Variants in DMC1 observed in about 807,000 individuals in gnomAD.
The protein encoded by DMC1 is DNA meiotic recombinase 1.
Under a neutral mutation model 50.1 loss-of-function variants are expected in DMC1, and 27 were observed. The ratio of observed to expected loss-of-function variants is 0.54; its 90% confidence interval spans 0.40 to 0.74. The LOEUF (loss-of-function observed/expected upper bound fraction) is 0.74. Among genes scored for constraint, DMC1 ranks in the 30% least tolerant of loss-of-function variants. The probability of loss-of-function intolerance (pLI) is 0.00; values close to 1 mark genes in which losing one functional copy is unlikely to be tolerated. For synonymous variants in DMC1, 148 were observed against 136.1 expected (o/e 1.09, Z -0.61); for missense variants, 295 against 420.2 (o/e 0.70, Z 2.60).
intron 7 of DMC1, among the ~76,000 whole-genome samples, chr22:38,550,944 AAAAAAG>A (rs2090399366): frequency 2.0e-5 from 3 of 147,832 alleles, no homozygotes; most frequent in African/African-American, 5.0e-5. Context: ...AAAAAAAAAA[AAAAAAG>A]AAAGAAAGAA....
intron 4 of DMC1, among the ~76,000 whole-genome samples, chr22:38,563,489 A>C (rs2090549665): frequency 6.6e-6 from 1 of 152,092 alleles, no homozygotes; most frequent in Non-Finnish European, 1.5e-5. Context: ...CCACCGTATT[A>C]TGAAATTAAC....
chr22:38,555,296 A>G, intron 6 of DMC1, 61 bp downstream of exon 6: 1 of 1,069,944 alleles, frequency 9.3e-7, no homozygotes, highest in Non-Finnish European at 1.4e-6. Flanking sequence ...ATGTATACAC[A>G]TAGATGTGTA....
chr22:38,523,126 T>C (rs1041564027), intron 12 of DMC1, among the ~76,000 whole-genome samples: 6 of 152,134 alleles, frequency 3.9e-5, no homozygotes, highest in Non-Finnish European at 7.4e-5. Context: ...AGGTCCAACA[T>C]AGGAACAAGG....
rs116156348 is a variant in DMC1, at chr22:38,566,623, T to C, written c.210A>G (p.Val70=). 5.7e-4 allele frequency: 917 copies of C among 1,614,254 alleles called. 8 individuals carry two copies. In the African/African-American group the frequency reaches 0.011, roughly 20 times the overall value. The change falls in exon 4 of 14, where the codon GTA becomes GTG. Residue 70 remains valine, a synonymous_variant. Transcript: ENST00000216024. ...TGTTCGCTGCCTCTTTAATCTTGTCTACTTTGGCTTCTGAGAGTCCTTTGA... is the reference window on the plus strand; with the variant it reads ...TGTTCGCTGCCTCTTTAATCTTGTCCACTTTGGCTTCTGAGAGTCCTTTGA... ...CNVKGLSEAK[V]DKIKEAANKL... is the part of the protein sequence containing the mutation.
chr22:38,556,201 A>G (rs913532556), intron 5 of DMC1, among the ~76,000 whole-genome samples: 8 of 152,158 alleles, frequency 5.3e-5, no homozygotes, highest in African/African-American at 1.7e-4. Context: ...TGAATTTTCA[A>G]TGTTTTTTCT....
chr22:38,538,207 G>A (rs375084911), intron 11 of DMC1, 88 bp downstream of exon 11: 18 of 1,040,410 alleles, frequency 1.7e-5, no homozygotes, highest in South Asian at 1.3e-4. Flanking sequence ...AAAAAAAATC[G>A]CTGCCTCCTG....
the DMC1 span, among the ~76,000 whole-genome samples, chr22:38,509,601 TAA>T: frequency 6.6e-6 from 1 of 152,114 alleles, no homozygotes; most frequent in African/African-American, 2.4e-5. Flanking sequence ...TGTTTTAGTG[TAA>T]AGATCTTGGA....
rs560481266 is a variant in DMC1 at position 38,540,755 on chromosome 22, G to GT, written c.495-1344dup. ...TTGTTATTGAGTATACCCAGTAGAT[G>GT]TTTTTGGTGGACAAGTTAGACAGGG... On this transcript the variant is annotated intron_variant, in intron 8 of 13. Coordinates refer to ENST00000216024, the MANE Select transcript of DMC1 (RefSeq NM_007068.4). 3.5e-3 allele frequency among the ~76,000 whole-genome samples: 536 copies of GT among 152,288 alleles called. 2 individuals carry two copies. Among genetic ancestry groups the GT allele is most frequent in the African/African-American group, 0.013 (522 of 41,568 alleles).
chr22:38,512,379 GT>G, the DMC1 span, among the ~76,000 whole-genome samples: 1 of 152,264 alleles, frequency 6.6e-6, no homozygotes, highest in Non-Finnish European at 1.5e-5. Context: ...AATTAAGATG[GT>G]CAAGCAGAAA....
In DMC1 at chr22:38,567,730, C is replaced by A. The variant is rs190545654; in HGVS notation, c.52-103G>T. 5.6e-5 allele frequency: 47 copies of A among 837,848 alleles called. No individual in the cohort carries two copies. The Admixed American group carries it at 5.8e-4, about 10-fold the overall frequency. The allele number at this position is 837,848 out of a possible 1,614,324, so 51.9% of individuals were successfully genotyped here. A position where few individuals can be genotyped will look rare whatever the true frequency, so the allele number is the denominator to read the frequency against. On this transcript the variant is annotated intron_variant, in intron 2 of 13. Coordinates refer to ENST00000216024, the MANE Select transcript of DMC1 (RefSeq NM_007068.4). ...CAATACTATGAGTCACTCCAAAATG[C>A]CTCAAATTCCGCTTCTCTAGAGATT...
the DMC1 span, among the ~76,000 whole-genome samples, chr22:38,512,796 A>G: frequency 2.6e-5 from 4 of 152,202 alleles, no homozygotes; most frequent in Non-Finnish European, 5.9e-5. Flanking sequence ...TTAGAAAGAC[A>G]TTAGGGGCTG....
intron 5 of DMC1, among the ~76,000 whole-genome samples, chr22:38,557,570 C>A (rs1043426669): frequency 2.0e-5 from 3 of 152,120 alleles, no homozygotes; most frequent in African/African-American, 7.2e-5. Context: ...GCCAGGTATG[C>A]TGGCCTGTGC....
intron 8 of DMC1, among the ~76,000 whole-genome samples, chr22:38,541,567 G>A (rs915922005): frequency 2.0e-5 from 3 of 152,146 alleles, no homozygotes; most frequent in Non-Finnish European, 2.9e-5. Flanking sequence ...GACTTATGTC[G>A]TTAGATGAAT....
the DMC1 span, among the ~76,000 whole-genome samples, chr22:38,511,642 C>T: frequency 6.6e-6 from 1 of 152,028 alleles, no homozygotes; most frequent in Non-Finnish European, 1.5e-5. Context: ...TGTTCTGTCA[C>T]CTGGGCTGGA....
At chr22:38,514,880 C>A (rs181610955), downstream of DMC1, among the ~76,000 whole-genome samples, 4 of 151,820 alleles carry the variant, frequency 2.6e-5, no homozygotes, top group Admixed American at 1.3e-4. Context: ...AAGAACTAAC[C>A]GTAAGTATAC....
chr22:38,566,877 A>C, intron 3 of DMC1, 141 bp from the exon 4 acceptor site: 1 of 775,778 alleles, frequency 1.3e-6, no homozygotes, highest in Non-Finnish European at 2.2e-6. Context: ...CCCACCCACC[A>C]TGTAGCCAAA....
intron 5 of DMC1, among the ~76,000 whole-genome samples, chr22:38,557,116 A>G (rs1300336238): frequency 3.3e-5 from 5 of 152,206 alleles, no homozygotes; most frequent in African/African-American, 1.2e-4. Context: ...TGGTTGGGCT[A>G]GCAACTATTA....
At chr22:38,555,302 G>A (rs972231573) in intron 6 of DMC1, 55 bp downstream of exon 6, 45 of 1,075,766 alleles carry the variant, frequency 4.2e-5, no homozygotes, top group Admixed American at 6.9e-5. Context: ...ACACATAGAT[G>A]TGTATGTGTG....
Position 38,562,278 on chromosome 22 carries a change from G to A in DMC1, c.326+9C>T, listed in dbSNP as rs754053668. On this transcript the variant is annotated intron_variant, in intron 5 of 13. Transcript: ENST00000216024. The stretch of plus-strand genomic sequence containing the variant: ...ATGCTTAGTGATTATAAAAAAGTAA[G>A]ATACATACTCAAATTCCTGGCTCCC... The A allele has an allele frequency of 1.3e-6, 2 of 1,573,908 alleles. No homozygotes were observed. Among genetic ancestry groups the A allele is most frequent in the East Asian group, 2.2e-5 (1 of 44,574 alleles).
Sources: allele counts gnomAD v4.1 joint callset (sites outside exome capture counted in the v4.1 genomes callset), GRCh38; gene constraint gnomAD v4.1.1; transcripts MANE v1.5; gene names NCBI Gene and HGNC (gene_info 2026-07-23, HGNC 2026-07-21).